CSMD3: variants seen among roughly 807,000 people sequenced by gnomAD.
CSMD3 encodes the protein CUB and Sushi multiple domains 3.
A neutral mutation model predicts 435.2 loss-of-function variants in CSMD3; 177 were observed. The ratio of observed to expected loss-of-function variants is 0.41; its 90% CI spans 0.36 to 0.46. The LOEUF is 0.46. CSMD3 is among the 20% of genes least tolerant of loss of function. The probability of loss-of-function intolerance (pLI) is 0.34; values close to 1 mark genes in which losing one functional copy is unlikely to be tolerated. For missense variants in CSMD3, 4,265 were observed against 4,504.6 expected, an observed-to-expected ratio of 0.95 and a Z score of 1.52; for synonymous variants, 1,656 against 1,520.5, an observed-to-expected ratio of 1.09 and a Z score of -2.07.
Position 112,852,537 on chromosome 8 carries a change from G to A in CSMD3, c.1755+6608C>T, listed in dbSNP as rs114819108. The stretch of plus-strand genomic sequence containing the variant: ...ATCAGTGCTTTCCAATCTTGAATAC[G>A]AGAAGTACTTTGTAAGTAATATGAA... On this transcript the variant is annotated intron_variant, in intron 11 of 70. Transcript: ENST00000297405. Among the ~76,000 whole-genome samples, 745 of 152,138 alleles carry A rather than the reference G, an allele frequency of 4.9e-3. 12 individuals carry two copies. The highest frequency in any genetic ancestry group is 0.017 in the African/African-American group (717 of 41,508).
intron 3 of CSMD3, among the ~76,000 whole-genome samples, chr8:113,230,531 A>T (rs2093074011): frequency 6.6e-6 from 1 of 151,616 alleles, no homozygotes; most frequent in Non-Finnish European, 1.5e-5. Flanking sequence ...TGAATTAAGG[A>T]ATCTTTGAAA....
chr8:112,603,150 T>C (rs1312435478), intron 22 of CSMD3, among the ~76,000 whole-genome samples: 3 of 152,234 alleles, frequency 2.0e-5, no homozygotes, highest in Non-Finnish European at 2.9e-5. Context: ...AGTGTCGGGA[T>C]TGCAGGCGTA....
chr8:112,984,050 GA>G (rs1319088307), intron 6 of CSMD3, among the ~76,000 whole-genome samples: 4 of 151,578 alleles, frequency 2.6e-5, no homozygotes, highest in Non-Finnish European at 4.4e-5. Context: ...TTTTGGCTTA[GA>G]AAAAAATAGC....
intron 4 of CSMD3, among the ~76,000 whole-genome samples, chr8:113,157,882 C>T (rs1009917992): frequency 2.0e-5 from 3 of 152,028 alleles, no homozygotes; most frequent in Non-Finnish European, 4.4e-5. Context: ...AGTTACAATG[C>T]TAAATAAAGC....
chr8:112,906,560 G>C (rs2082269247), intron 10 of CSMD3, among the ~76,000 whole-genome samples: 1 of 151,400 alleles, frequency 6.6e-6, no homozygotes, highest in African/African-American at 2.4e-5. Flanking sequence ...CTAGGGATAA[G>C]CATCACTTAA....
chr8:112,980,898 T>C (rs928069514), intron 6 of CSMD3, among the ~76,000 whole-genome samples: 7 of 151,538 alleles, frequency 4.6e-5, no homozygotes, highest in Non-Finnish European at 8.9e-5. Flanking sequence ...AAACTATGAA[T>C]ATGCAATTTA....
At chr8:112,859,580 C>G (rs2080765593) in intron 10 of CSMD3, among the ~76,000 whole-genome samples, 1 of 151,498 alleles carries the variant, frequency 6.6e-6, no homozygotes, top group Non-Finnish European at 1.5e-5. Context: ...ATTGTGTTAA[C>G]AAAAATATAC....
intron 2 of CSMD3, chr8:113,310,770 T>C (rs994992906): frequency 1.3e-5 from 2 of 151,934 alleles, no homozygotes; most frequent in African/African-American, 4.8e-5. Flanking sequence ...ACATCCTGTT[T>C]CTACCAAGAA....
chr8:112,964,651 C>A (rs978977295), intron 7 of CSMD3, among the ~76,000 whole-genome samples: 3 of 151,712 alleles, frequency 2.0e-5, no homozygotes, highest in African/African-American at 7.3e-5. Context: ...GTTGATGAGA[C>A]TTTTTTTTCC....
rs905076542 is a variant in CSMD3 at position 112,446,011 on chromosome 8, C to A, written c.5395+26580G>T. Among the ~76,000 whole-genome samples, 9 of 152,180 alleles carry A rather than the reference C, an allele frequency of 5.9e-5. No homozygotes were observed. In the South Asian group the frequency reaches 1.7e-3, roughly 28 times the overall value. On this transcript the variant is annotated intron_variant, in intron 32 of 70. Transcript: ENST00000297405. ...ATTCTAGAAAGAGGTAAACACATAT[C>A]TTTTCTTCAAGAATATTTTACAAAA... is the stretch of plus-strand genomic sequence containing the variant.
intron 35 of CSMD3, among the ~76,000 whole-genome samples, chr8:112,397,163 T>G (rs997849180): frequency 3.3e-5 from 5 of 152,212 alleles, no homozygotes; most frequent in Non-Finnish European, 7.3e-5. Flanking sequence ...AAAATATTTA[T>G]AGTTAAAAAT....
intron 21 of CSMD3, 125 bp from the exon 22 acceptor site, chr8:112,637,130 T>C: frequency 4.0e-6 from 3 of 746,048 alleles, no homozygotes; most frequent in Non-Finnish European, 7.0e-6. Context: ...AGGGACTATA[T>C]GAATAGCTAT....
chr8:112,582,903 C>T (rs1830439048), intron 23 of CSMD3, among the ~76,000 whole-genome samples: 2 of 151,968 alleles, frequency 1.3e-5, no homozygotes, highest in East Asian at 1.9e-4. Flanking sequence ...AGGAAGGTGG[C>T]CATCATCAGA....
intron 31 of CSMD3, among the ~76,000 whole-genome samples, chr8:112,482,290 A>C (rs1457728825): frequency 6.6e-6 from 1 of 152,222 alleles, no homozygotes. Context: ...TACCACATAC[A>C]AATTCTACTA....
intron 1 of CSMD3, among the ~76,000 whole-genome samples, chr8:113,375,754 A>G (rs2094378315): frequency 6.6e-6 from 1 of 152,144 alleles, no homozygotes; most frequent in South Asian, 2.1e-4. Context: ...TAGCTTATGT[A>G]AGACTAAAAT....
At chr8:112,762,598 G>C (rs909250046) in intron 13 of CSMD3, among the ~76,000 whole-genome samples, 3 of 151,908 alleles carry the variant, frequency 2.0e-5, no homozygotes, top group Admixed American at 2.0e-4. Flanking sequence ...GAAGAAGTTT[G>C]TACTTTATTA....
chr8:113,231,262 C>G (rs1312329938), intron 3 of CSMD3, among the ~76,000 whole-genome samples: 1 of 151,314 alleles, frequency 6.6e-6, no homozygotes, highest in African/African-American at 2.4e-5. Flanking sequence ...ACAGATACTT[C>G]TGTTTCATAA....
chr8:113,216,355 T>A (rs573177172), intron 3 of CSMD3, among the ~76,000 whole-genome samples: 49 of 152,008 alleles, frequency 3.2e-4, no homozygotes, highest in African/African-American at 1.2e-3. Flanking sequence ...TTTATTTTCA[T>A]ATGGGCATTG....
At chr8:113,281,795 G>A (rs1007119162) in intron 2 of CSMD3, among the ~76,000 whole-genome samples, 4 of 151,820 alleles carry the variant, frequency 2.6e-5, no homozygotes, top group Non-Finnish European at 1.5e-5. Flanking sequence ...CTTTAAAGAG[G>A]TTCTGTTTGA....
Sources: gnomAD v4.1 joint callset for allele counts (sites outside exome capture counted in the v4.1 genomes callset) on GRCh38, gnomAD v4.1.1 for gene constraint, MANE v1.5 for transcripts, NCBI Gene and HGNC (gene_info 2026-07-23, HGNC 2026-07-21) for gene names.